Variants in APLP2 observed in about 807,000 individuals in gnomAD.
The protein encoded by APLP2 is amyloid beta precursor like protein 2, also known as CDEI box-binding protein.
Under a neutral mutation model 89.9 loss-of-function variants are expected in APLP2, and 53 were observed. That is an observed-to-expected ratio of 0.59 (90% confidence interval 0.47 to 0.74). APLP2 has a LOEUF of 0.74. Ranked by LOEUF, APLP2 falls within the 30% of genes least tolerant of loss-of-function variation. The pLI is 0.00. For synonymous variants in APLP2, 372 were observed against 348.6 expected, an observed-to-expected ratio of 1.07 and a Z score of -0.75; for missense variants, 973 against 975.9, an observed-to-expected ratio of 1.00 and a Z score of 0.04.
intron 3 of APLP2, among the ~76,000 whole-genome samples, chr11:130,110,904 C>G (rs1948464761): frequency 6.6e-6 from 1 of 152,086 alleles, no homozygotes; most frequent in African/African-American, 2.4e-5. Flanking sequence ...AATAAGGGTG[C>G]TACCCACAGA....
chr11:130,102,881 A>T (rs1019532111), intron 1 of APLP2, among the ~76,000 whole-genome samples: 2 of 152,252 alleles, frequency 1.3e-5, no homozygotes, highest in Admixed American at 1.3e-4. Context: ...AGAATGAATT[A>T]TTAAGCAAAA....
intron 1 of APLP2, among the ~76,000 whole-genome samples, chr11:130,077,747 T>C (rs76225971): frequency 0.024 from 3,671 of 152,328 alleles, 77 homozygotes; most frequent in African/African-American, 0.059. Flanking sequence ...TTGCTTAGGC[T>C]GTTATTAGAG....
Position 130,135,616 on chromosome 11 carries a change from T to C in APLP2, c.1738T>C (p.Ser580Pro), listed in dbSNP as rs1951477790. 6.2e-7 allele frequency: 1 copy of C among 1,613,982 alleles called. No individual in the cohort carries two copies. ...TATGGACCAGTTCACTGCCTCAATC[T>C]CAGAGACCCCTGTGGACGTCCGGGT... Reference protein sequence around the residue: ...ADMDQFTASISETPVDVRVSS... With the variant: ...ADMDQFTASIPETPVDVRVSS... The change falls in exon 13 of 17, where the codon TCA becomes CCA. Residue 580 changes from serine to proline, a missense_variant. Coordinates refer to ENST00000338167, the MANE Select transcript of APLP2 (RefSeq NM_001142276.2).
At chr11:130,103,014 G>A (rs1947148764) in intron 1 of APLP2, among the ~76,000 whole-genome samples, 1 of 152,150 alleles carries the variant, frequency 6.6e-6, no homozygotes, top group South Asian at 2.1e-4. Flanking sequence ...AATTTTTTTG[G>A]TAGAGGATTC....
chr11:130,125,754 T>A (rs1161427155), intron 7 of APLP2, among the ~76,000 whole-genome samples: 1 of 152,236 alleles, frequency 6.6e-6, no homozygotes, highest in Non-Finnish European at 1.5e-5. Context: ...TGAAATTGTG[T>A]CATAATCTAT....
At position 130,075,229 on chromosome 11, in the gene APLP2, G is replaced by A. The variant is rs191716043; in HGVS notation, c.105+5147G>A. On this transcript the variant is annotated intron_variant, in intron 1 of 16. Coordinates refer to ENST00000338167, the MANE Select transcript of APLP2 (RefSeq NM_001142276.2). ...CAGTGGCGCAGCCATGGCTCACTGC[G>A]GCCTCAAACTCCTGGGCTCAAGTGA... is the stretch of plus-strand genomic sequence containing the variant. Among the ~76,000 whole-genome samples, 89 of 152,192 alleles carry A rather than the reference G, an allele frequency of 5.8e-4. No homozygotes were observed. The East Asian group carries it at 0.012, about 21-fold the overall frequency.
chr11:130,093,746 A>T (rs1945774100), intron 1 of APLP2, among the ~76,000 whole-genome samples: 2 of 151,854 alleles, frequency 1.3e-5, no homozygotes, highest in Admixed American at 1.3e-4. Flanking sequence ...TTTATTTTTT[A>T]TTTATTTTTT....
At chr11:130,127,482 A>T (rs569576297) in intron 8 of APLP2, among the ~76,000 whole-genome samples, 250 of 152,328 alleles carry the variant, frequency 1.6e-3, no homozygotes, top group African/African-American at 5.8e-3. Context: ...AAAAGTAGGT[A>T]TTAACCTCAA....
chr11:130,092,101 C>T (rs1340598319), intron 1 of APLP2, among the ~76,000 whole-genome samples: 4 of 123,696 alleles, frequency 3.2e-5, no homozygotes, highest in African/African-American at 1.1e-4. Context: ...GGGGCAGAGG[C>T]GCTCCCCACA....
intron 1 of APLP2, among the ~76,000 whole-genome samples, chr11:130,078,141 A>G (rs1942452173): frequency 6.6e-6 from 1 of 150,812 alleles, no homozygotes. Flanking sequence ...TTCGTCCCTA[A>G]ACACTGTAGT....
intron 16 of APLP2, among the ~76,000 whole-genome samples, chr11:130,142,480 C>CCA (rs1952540458): frequency 6.6e-6 from 1 of 152,080 alleles, no homozygotes; most frequent in Non-Finnish European, 1.5e-5. Context: ...ACTTGTCTTG[C>CCA]CACTCACTCC....
At chr11:130,082,720 A>G (rs544526133) in intron 1 of APLP2, 10 of 220,558 alleles carry the variant, frequency 4.5e-5, no homozygotes, top group Non-Finnish European at 7.5e-5. Flanking sequence ...GTGTTGGTGC[A>G]TTTGGGACAG....
At chr11:130,118,810 A>G (rs1949502373) in intron 3 of APLP2, among the ~76,000 whole-genome samples, 1 of 152,196 alleles carries the variant, frequency 6.6e-6, no homozygotes, top group Non-Finnish European at 1.5e-5. Context: ...GGTAAGCAGC[A>G]TGTCAGGCTC....
At chr11:130,078,692 T>C (rs1942578025) in intron 1 of APLP2, among the ~76,000 whole-genome samples, 1 of 152,186 alleles carries the variant, frequency 6.6e-6, no homozygotes, top group Admixed American at 6.5e-5. Flanking sequence ...TATGGATATC[T>C]GGCCTGCACC....
intron 1 of APLP2, 144 bp downstream of exon 1, chr11:130,070,226 C>T: frequency 5.4e-6 from 2 of 373,596 alleles, no homozygotes; most frequent in Non-Finnish European, 8.3e-6. Flanking sequence ...GGCGCGCCCT[C>T]CCCCGCCCGT....
chr11:130,141,547 G>T lies in APLP2; in HGVS notation c.1973G>T (p.Arg658Ile). 1 of 1,614,036 alleles carries T rather than the reference G, an allele frequency of 6.2e-7. No individual in the cohort carries two copies. The highest frequency in any genetic ancestry group is 8.5e-7 in the Non-Finnish European group (1 of 1,180,006). Residue 658 changes from arginine to isoleucine, a missense_variant, in exon 15 of 17, where the codon AGA (arginine) becomes ATA (isoleucine). Physicochemically the swap from Arg to Ile is moderately conservative, Grantham distance 97. Transcript: ENST00000338167. This position sits in a 1 kb window ranked among gnomAD's most constrained non-coding sequence, Gnocchi z 4.2. ...DVKEMIFNAE[R>I]VGGLEEERES... Reference sequence around the variant, plus strand: ...AAGGAAATGATTTTCAATGCCGAGAGAGTTGGAGGCCTCGAGGAAGAGCGG... The same window carrying T: ...AAGGAAATGATTTTCAATGCCGAGATAGTTGGAGGCCTCGAGGAAGAGCGG...
rs1443360127 is a variant in APLP2 at position 130,123,286 on chromosome 11, G to A, written c.923-326G>A. Among the ~76,000 whole-genome samples the A allele has an allele frequency of 6.6e-6, 1 of 152,224 alleles. No homozygotes were observed. Among genetic ancestry groups the A allele is most frequent in the Non-Finnish European group, 1.5e-5 (1 of 68,046 alleles). On this transcript the variant is annotated intron_variant, in intron 6 of 16. Transcript: ENST00000338167. This position sits in a 1 kb window ranked among gnomAD's most constrained non-coding sequence, Gnocchi z 4.0. ...GTCTCCTGAATAGACAAACTAGGCA[G>A]ATACCTCCACTGAACAGATCAGAAA... is the stretch of plus-strand genomic sequence containing the variant.
At chr11:130,088,667 C>T (rs2135494111) in intron 1 of APLP2, among the ~76,000 whole-genome samples, 1 of 151,832 alleles carries the variant, frequency 6.6e-6, no homozygotes, top group South Asian at 2.1e-4. Context: ...TTTTTAACAA[C>T]ATTTAAAATA....
chr11:130,076,105 C>G (rs978928309), intron 1 of APLP2, among the ~76,000 whole-genome samples: 1 of 152,154 alleles, frequency 6.6e-6, no homozygotes, highest in Non-Finnish European at 1.5e-5. Flanking sequence ...GACCGAGTCT[C>G]ACTCTGTCAT....
Sources: gnomAD v4.1 joint callset for allele counts (sites outside exome capture counted in the v4.1 genomes callset) on GRCh38, gnomAD v4.1.1 for gene constraint, Gnocchi (gnomAD v3.1) non-coding constraint, MANE v1.5 for transcripts, NCBI Gene and HGNC (gene_info 2026-07-23, HGNC 2026-07-21) for gene names.